The following SCHIP1 variants were observed in gnomAD, a reference collection of about 807,000 sequenced individuals.
The protein encoded by SCHIP1 is schwannomin interacting protein 1, also known as schwannomin-interacting protein 1.
Under a neutral mutation model 29.7 loss-of-function variants are expected in SCHIP1, and 8 were observed. The ratio of observed to expected loss-of-function variants is 0.27; its 90% confidence interval spans 0.16 to 0.49. The LOEUF is 0.49. Among genes scored for constraint, SCHIP1 ranks in the 20% least tolerant of loss-of-function variants. The pLI, the probability that SCHIP1 is intolerant of heterozygous loss-of-function variation, is 0.99. For missense variants in SCHIP1, 193 were observed against 294.6 expected (o/e 0.66, Z 2.52); for synonymous variants, 76 against 94.9 (o/e 0.80, Z 1.16).
chr3:159,360,018 A>G, the SCHIP1 span, among the ~76,000 whole-genome samples: 1 of 152,222 alleles, frequency 6.6e-6, no homozygotes. Flanking sequence ...TGGGTTTAAT[A>G]AATGACACCT....
the SCHIP1 span, among the ~76,000 whole-genome samples, chr3:159,563,914 C>T: frequency 7.2e-5 from 11 of 152,234 alleles, no homozygotes; most frequent in South Asian, 2.1e-4. Context: ...TACATGAGAA[C>T]GTACCTTCTC....
chr3:159,390,449 T>C, the SCHIP1 span, among the ~76,000 whole-genome samples: 4 of 152,206 alleles, frequency 2.6e-5, no homozygotes, highest in East Asian at 7.7e-4. Context: ...TTCTGGACGT[T>C]CTGTGTCATC....
chr3:159,296,619 C>A, the SCHIP1 span, among the ~76,000 whole-genome samples: 1 of 152,014 alleles, frequency 6.6e-6, no homozygotes, highest in Non-Finnish European at 1.5e-5. Flanking sequence ...ACTAAAGATA[C>A]AAAAACTTAG....
chr3:159,479,436 A>C, the SCHIP1 span, among the ~76,000 whole-genome samples: 1 of 152,212 alleles, frequency 6.6e-6, no homozygotes, highest in Non-Finnish European at 1.5e-5. Flanking sequence ...TTCTGTCTTC[A>C]GGATGTAGAA....
chr3:159,438,651 C>T, the SCHIP1 span, among the ~76,000 whole-genome samples: 1 of 152,238 alleles, frequency 6.6e-6, no homozygotes, highest in South Asian at 2.1e-4. Flanking sequence ...TACCTCCCAC[C>T]CTTTGACATA....
the SCHIP1 span, among the ~76,000 whole-genome samples, chr3:159,696,407 G>C: frequency 3.9e-5 from 6 of 152,146 alleles, no homozygotes; most frequent in Non-Finnish European, 5.9e-5. Context: ...CTCAAACTCA[G>C]TTTGCCATGT....
At chr3:159,291,082 G>T in the SCHIP1 span, among the ~76,000 whole-genome samples, 2 of 152,008 alleles carry the variant, frequency 1.3e-5, no homozygotes, top group African/African-American at 4.8e-5. Flanking sequence ...TTACTTAGAG[G>T]AGCGGCTGAT....
intron 1 of SCHIP1, among the ~76,000 whole-genome samples, 162 bp from the exon 3 acceptor site, chr3:159,866,001 G>A (rs1348758049): frequency 6.6e-6 from 1 of 152,214 alleles, no homozygotes; most frequent in Non-Finnish European, 1.5e-5. Context: ...GAAGAGACTG[G>A]TAAAATTTCA....
At chr3:159,381,009 T>C in the SCHIP1 span, among the ~76,000 whole-genome samples, 14 of 152,324 alleles carry the variant, frequency 9.2e-5, 1 homozygote, top group African/African-American at 3.4e-4. Flanking sequence ...TGCAAATAAG[T>C]GTCACCTTCA....
chr3:159,652,604 G>A, the SCHIP1 span, among the ~76,000 whole-genome samples: 2 of 152,084 alleles, frequency 1.3e-5, no homozygotes, highest in African/African-American at 4.8e-5. Context: ...GTGCCATGAA[G>A]GACATACTAA....
In SCHIP1 at chr3:159,887,772, A is replaced by G. The variant is rs753178942; in HGVS notation, c.332A>G (p.Asp111Gly). ...GAAGAGGAGTCTGAATCCTTGGATG[A>G]CATGGACTTCCTTACAAGGCAAAAG... The change falls in exon 4 of 7, where the codon GAC (aspartate) becomes GGC (glycine). Residue 111 changes from aspartate to glycine, a missense_variant. Transcript: ENST00000445224. 3 of 1,613,968 alleles carry G rather than the reference A, an allele frequency of 1.9e-6. No individual in the cohort carries two copies. In the African/African-American group the frequency reaches 4.0e-5, roughly 22 times the overall value.
chr3:159,764,647 G>C, the SCHIP1 span: 1 of 1,603,636 alleles, frequency 6.2e-7, no homozygotes, highest in South Asian at 1.1e-5. The surrounding 1 kb of genome is among the most constrained non-coding windows in gnomAD (Gnocchi z 6.1). Flanking sequence ...GAAGGTGATT[G>C]ATGAGTGGGC....
At chr3:159,646,906 G>C in the SCHIP1 span, among the ~76,000 whole-genome samples, 1 of 152,018 alleles carries the variant, frequency 6.6e-6, no homozygotes, top group Non-Finnish European at 1.5e-5. Context: ...CCAGGACCCA[G>C]GGGTACCTAG....
the SCHIP1 span, among the ~76,000 whole-genome samples, chr3:159,288,943 A>G: frequency 6.6e-6 from 1 of 152,126 alleles, no homozygotes; most frequent in Non-Finnish European, 1.5e-5. Flanking sequence ...AGTCTTCCCT[A>G]TGTAAGTCAA....
At chr3:159,767,899 A>C in the SCHIP1 span, among the ~76,000 whole-genome samples, 1 of 152,004 alleles carries the variant, frequency 6.6e-6, no homozygotes, top group Non-Finnish European at 1.5e-5. Flanking sequence ...TGTAGGCGGG[A>C]GTTCTTGCCT....
At chr3:159,849,635 G>A (rs183229078) in intron 1 of SCHIP1, among the ~76,000 whole-genome samples, 1 of 152,310 alleles carries the variant, frequency 6.6e-6, no homozygotes, top group Admixed American at 6.5e-5. Flanking sequence ...TGCAGAGTGA[G>A]TGGGGTCTGC....
chr3:159,748,788 C>T, the SCHIP1 span, among the ~76,000 whole-genome samples: 1 of 152,134 alleles, frequency 6.6e-6, no homozygotes, highest in Non-Finnish European at 1.5e-5. Context: ...CCCTGTTCTC[C>T]AAGAAGTAAA....
the SCHIP1 span, among the ~76,000 whole-genome samples, chr3:159,282,423 C>T: frequency 2.0e-5 from 3 of 151,340 alleles, no homozygotes; most frequent in East Asian, 2.0e-4. Flanking sequence ...CTTTTGCATT[C>T]GTATATGTGA....
At chr3:159,386,871 T>G in the SCHIP1 span, 2 of 154,698 alleles carry the variant, frequency 1.3e-5, no homozygotes, top group African/African-American at 2.4e-5. Context: ...TTTCCAGAGG[T>G]CAGGCATCAG....
Sources: allele counts gnomAD v4.1 joint callset (sites outside exome capture counted in the v4.1 genomes callset), GRCh38; gene constraint gnomAD v4.1.1; non-coding constraint Gnocchi (gnomAD v3.1); transcripts MANE v1.5; gene names NCBI Gene and HGNC (gene_info 2026-07-23, HGNC 2026-07-21).